Variants in FAT1 observed in about 807,000 individuals in gnomAD.
The protein encoded by FAT1 is protocadherin Fat 1.
In FAT1, 171 loss-of-function variants were observed where a neutral mutation model predicts 329.8. The observed-to-expected ratio is 0.52, with a 90% CI of 0.46 to 0.59. The LOEUF (loss-of-function observed/expected upper bound fraction) is 0.59, where lower values mean the gene tolerates loss of function less well. Ranked by LOEUF, FAT1 falls within the 20% of genes least tolerant of loss-of-function variation. The pLI, the probability that FAT1 is intolerant of heterozygous loss-of-function variation, is 0.00. For synonymous variants in FAT1, 2,233 were observed against 2,228.6 expected (o/e 1.00, Z -0.06); for missense variants, 5,672 against 5,774.4 (o/e 0.98, Z 0.57).
At chr4:186,726,009 C>A (rs1452956683), upstream of FAT1, among the ~76,000 whole-genome samples, 1 of 152,218 alleles carries the variant, frequency 6.6e-6, no homozygotes, top group African/African-American at 2.4e-5. Flanking sequence ...GCCAGGTGCC[C>A]GGACTAGAGG....
rs1305730560 is a variant in FAT1, at chr4:186,604,590, A to G, written c.10351-16T>C. On this transcript the variant is annotated splice_polypyrimidine_tract_variant and intron_variant, in intron 17 of 26. Coordinates refer to ENST00000441802, the MANE Select transcript of FAT1 (RefSeq NM_005245.4). ...GCTTATTTTCCTGCACAAGATTAGA[A>G]ACAAAATTAAACAAAAATCCTGGAA... 1 of 1,561,056 alleles carries G rather than the reference A, an allele frequency of 6.4e-7. No homozygotes were observed. Among genetic ancestry groups the G allele is most frequent in the Non-Finnish European group, 8.7e-7 (1 of 1,148,362 alleles).
Position 186,709,280 on chromosome 4 carries a change from T to A in FAT1, c.548A>T (p.Glu183Val), listed in dbSNP as rs1744824103. 1.9e-6 allele frequency: 3 copies of A among 1,613,800 alleles called. No homozygotes were observed. The South Asian group carries it at 3.3e-5, about 18-fold the overall frequency. Residue 183 changes from glutamate (E) to valine (V), a missense_variant, in exon 2 of 27, where the codon GAA becomes GTA. By Grantham distance (121) the Glu-to-Val change is moderately radical (BLOSUM62 -2). Around this residue, in one of 2 missense-constraint regions of FAT1, gnomAD observed 3,966 missense variants for 3,915.2 expected, o/e 1.01. Coordinates refer to ENST00000441802, the MANE Select transcript of FAT1 (RefSeq NM_005245.4). Reference protein sequence around the residue: ...ATDADIGTNGEFYYSFKDRTD... With the variant: ...ATDADIGTNGVFYYSFKDRTD... ...TCGATCTTTAAAACTGTAGTAAAAT[T>A]CCCCGTTGGTTCCTATGTCTGCATC...
At chr4:186,690,214 T>G (rs1743688467) in intron 2 of FAT1, among the ~76,000 whole-genome samples, 1 of 152,242 alleles carries the variant, frequency 6.6e-6, no homozygotes, top group Non-Finnish European at 1.5e-5. Context: ...GAAGCCGTTA[T>G]CTCAAGTTTA....
At chr4:186,661,917 C>A (rs1742190519) in intron 3 of FAT1, among the ~76,000 whole-genome samples, 1 of 152,098 alleles carries the variant, frequency 6.6e-6, no homozygotes, top group Admixed American at 6.5e-5. Context: ...CCTTAACCTG[C>A]AGAATCTGAG....
rs1482966285 is a variant in FAT1 at position 186,712,761 on chromosome 4, C to G, written c.-18-2916G>C. 2.7e-4 allele frequency among the ~76,000 whole-genome samples: 30 copies of G among 112,456 alleles called. 1 individual carries two copies. Among genetic ancestry groups the G allele is most frequent in the Admixed American group, 2.3e-3 (28 of 12,122 alleles). 73.8% of individuals were successfully genotyped at this position (112,456 alleles called of 152,430 possible). A position where few individuals can be genotyped will look rare whatever the true frequency, so the allele number is the denominator to read the frequency against. On this transcript the variant is annotated intron_variant, in intron 1 of 26. Coordinates refer to ENST00000441802, the MANE Select transcript of FAT1 (RefSeq NM_005245.4). ...TGTTCAATATGATTCCTGGTCCCCA[C>G]CAGCATGAAGCCTGTGGCATCCCCC...
At chr4:186,602,827 A>C (rs1183267739) in intron 20 of FAT1, 76 bp downstream of exon 20, 22 of 1,464,318 alleles carry the variant, frequency 1.5e-5, no homozygotes, top group Non-Finnish European at 1.9e-6. Context: ...TTTAGACTCC[A>C]ATAAAGAAGA....
At chr4:186,649,852 A>AAT (rs1262050409) in intron 3 of FAT1, among the ~76,000 whole-genome samples, 1 of 152,242 alleles carries the variant, frequency 6.6e-6, no homozygotes, top group East Asian at 1.9e-4. Flanking sequence ...ACATATGTTT[A>AAT]ACATATACAA....
chr4:186,620,574 A>C lies in FAT1; in HGVS notation c.6012T>G (p.Ile2004Met), dbSNP rs200115380. Residue 2004 changes from isoleucine (I) to methionine (M), a missense_variant, in exon 10 of 27, where the codon ATT becomes ATG. Ile to Met is a conservative substitution (Grantham distance 10). This residue lies in a region of FAT1 where 3,966 missense variants were observed against 3,915.2 expected (regional missense o/e 1.01). Coordinates refer to ENST00000441802, the MANE Select transcript of FAT1 (RefSeq NM_005245.4). ...ACAAAGGCTCATTGATTGGATTCCCAATAGCAGTAATGACAGCTAATGTTT... is the reference window on the plus strand; with the variant it reads ...ACAAAGGCTCATTGATTGGATTCCCCATAGCAGTAATGACAGCTAATGTTT... The part of the protein sequence containing the change: ...EAETLAVITA[I>M]GNPINEPLFY... 1.2e-3 allele frequency: 1,919 copies of C among 1,613,882 alleles called. 1 individual carries two copies. Among genetic ancestry groups the C allele is most frequent in the Non-Finnish European group, 1.6e-3 (1,858 of 1,179,892 alleles).
rs965649008 is a variant in FAT1 at position 186,697,600 on chromosome 4, T to C, written c.3265+8963A>G. 2.6e-5 allele frequency among the ~76,000 whole-genome samples: 4 copies of C among 152,228 alleles called. No homozygotes were observed. The South Asian group carries it at 6.2e-4, about 24-fold the overall frequency. The stretch of plus-strand genomic sequence containing the variant: ...CATTTCAGGCACATGTACAAATATA[T>C]AGAAAAGTGACCTGTCCATTGTTAA... On this transcript the variant is annotated intron_variant, in intron 2 of 26. Transcript: ENST00000441802.
intron 2 of FAT1, among the ~76,000 whole-genome samples, chr4:186,685,412 CTA>C (rs1743415178): frequency 6.6e-6 from 1 of 152,144 alleles, no homozygotes; most frequent in Non-Finnish European, 1.5e-5. Flanking sequence ...TTAAAAATTC[CTA>C]TCTCAAATGA....
Position 186,633,717 on chromosome 4 carries a change from C to A in FAT1, c.4290G>T (p.Glu1430Asp). 1 of 1,613,898 alleles carries A rather than the reference C, an allele frequency of 6.2e-7. No individual in the cohort carries two copies. The highest frequency in any genetic ancestry group is 8.5e-7 in the Non-Finnish European group (1 of 1,179,876). ...EQKSNYNLTV[E>D]ATDGTTTILT... is the part of the protein sequence containing the mutation. ...GGATAGTGGTGGTTCCATCTGTAGC[C>A]TCGACTGTGAGGTTGTAGTTTGACT... The change falls in exon 7 of 27, where the codon GAG (glutamate) becomes GAT (aspartate). Residue 1430 changes from glutamate (E) to aspartate (D), a missense_variant. Glu to Asp is a conservative substitution (Grantham distance 45). Transcript: ENST00000441802.
rs1255813817 is a variant in FAT1 at position 186,596,553 on chromosome 4, G to C, written c.12987C>G (p.Asp4329Glu). 2 of 1,612,664 alleles carry C rather than the reference G, an allele frequency of 1.2e-6. No homozygotes were observed. Among genetic ancestry groups the C allele is most frequent in the Admixed American group, 3.3e-5 (2 of 59,724 alleles). Residue 4329 changes from aspartate (D) to glutamate (E), a missense_variant, in exon 25 of 27, where the codon GAC becomes GAG. Physicochemically the swap from Asp to Glu is conservative, Grantham distance 45. Around this residue, in one of 2 missense-constraint regions of FAT1, gnomAD observed 1,706 missense variants for 1,859.1 expected, o/e 0.92. Coordinates refer to ENST00000441802, the MANE Select transcript of FAT1 (RefSeq NM_005245.4). This position sits in a 1 kb window ranked among gnomAD's most constrained non-coding sequence, Gnocchi z 4.7. ...AGTGGCTCTTACTGTCATAGTCAAA[G>C]TCCCAGCTAGGCTTCTGGATGGAGT... ...DSDSIQKPSW[D>E]FDYDTKVVDL... is the part of the protein sequence containing the mutation.
intron 2 of FAT1, among the ~76,000 whole-genome samples, chr4:186,699,305 A>C (rs1054458643): frequency 6.6e-6 from 1 of 152,230 alleles, no homozygotes; most frequent in Admixed American, 6.5e-5. Context: ...AAAACTAAAA[A>C]GACTGTATTA....
chr4:186,617,605 T>A (rs1183642712), intron 10 of FAT1, 103 bp downstream of exon 10: 4 of 932,290 alleles, frequency 4.3e-6, no homozygotes, highest in African/African-American at 1.7e-5. Context: ...TTAACTAAAA[T>A]CATCCCTTAA....
chr4:186,608,145 G>A (rs191350536), intron 16 of FAT1, among the ~76,000 whole-genome samples: 27 of 152,226 alleles, frequency 1.8e-4, no homozygotes, highest in Non-Finnish European at 2.1e-4. Flanking sequence ...CTTTCTACAC[G>A]GAGCCATATC....
intron 6 of FAT1, among the ~76,000 whole-genome samples, chr4:186,634,734 C>T (rs545855779): frequency 6.6e-5 from 10 of 152,204 alleles, no homozygotes; most frequent in Non-Finnish European, 1.5e-4. Context: ...TCAGCAGATA[C>T]CTTCTGCTGT....
At position 186,619,407 on chromosome 4, in the gene FAT1, C is replaced by G. The variant is rs1739909923; in HGVS notation, c.7179G>C (p.Gln2393His). Residue 2393 changes from glutamine to histidine, a missense_variant, in exon 10 of 27, where the codon CAG (glutamine) becomes CAC (histidine). Physicochemically the swap from Gln to His is conservative, Grantham distance 24. This residue lies in a region of FAT1 where 3,966 missense variants were observed against 3,915.2 expected (regional missense o/e 1.01). Coordinates refer to ENST00000441802, the MANE Select transcript of FAT1 (RefSeq NM_005245.4). ...GCTCGCTAATTCTGGCTTCATAAAT[C>G]TGTTGTTCAAAGAGTGGTGGATTAT... ...LNDNPPLFEQQIYEARISEHA... is the reference protein window; with the variant it reads ...LNDNPPLFEQHIYEARISEHA... 1 of 1,614,002 alleles carries G rather than the reference C, an allele frequency of 6.2e-7. No homozygotes were observed. The highest frequency in any genetic ancestry group is 1.1e-5 in the South Asian group (1 of 91,074).
intron 2 of FAT1, among the ~76,000 whole-genome samples, chr4:186,677,930 A>G (rs1452083853): frequency 6.6e-6 from 1 of 152,204 alleles, no homozygotes; most frequent in Non-Finnish European, 1.5e-5. Context: ...ATTAAAGCAC[A>G]GAACTGAAAC....
rs2126682274 is a variant in FAT1, at chr4:186,706,647, C to T, written c.3181G>A (p.Glu1061Lys). 1 of 1,614,000 alleles carries T rather than the reference C, an allele frequency of 6.2e-7. No homozygotes were observed. The highest frequency in any genetic ancestry group is 2.2e-5 in the East Asian group (1 of 44,886). Residue 1061 changes from glutamate to lysine, a missense_variant, in exon 2 of 27, where the codon GAG becomes AAG. By Grantham distance (56) the Glu-to-Lys change is moderately conservative. This residue lies in a region of FAT1 where 3,966 missense variants were observed against 3,915.2 expected (regional missense o/e 1.01). Coordinates refer to ENST00000441802, the MANE Select transcript of FAT1 (RefSeq NM_005245.4). ...ATCTCCCCATCTCTTCTGGCGTCCTCATCATGAGCCGACACCGTCATTACC... is the reference window on the plus strand; with the variant it reads ...ATCTCCCCATCTCTTCTGGCGTCCTTATCATGAGCCGACACCGTCATTACC... Reference protein sequence around the residue: ...SLVMTVSAHDEDARRDGEIRY... With the variant: ...SLVMTVSAHDKDARRDGEIRY...
Sources: gnomAD v4.1 joint callset for allele counts (sites outside exome capture counted in the v4.1 genomes callset) on GRCh38, gnomAD v4.1.1 for gene constraint, gnomAD v4.1.1 regional missense constraint, Gnocchi (gnomAD v3.1) non-coding constraint, MANE v1.5 for transcripts, NCBI Gene and HGNC (gene_info 2026-07-23, HGNC 2026-07-21) for gene names.